The following SRCIN1 variants were observed in gnomAD, a reference collection of about 807,000 sequenced individuals.
SRCIN1 encodes the protein P130Cas-associated protein.
A neutral mutation model predicts 116.2 loss-of-function variants in SRCIN1; 50 were observed. That is an observed-to-expected ratio of 0.43 (90% CI 0.34 to 0.54). SRCIN1 has a LOEUF of 0.54. Ranked by LOEUF, SRCIN1 falls within the 20% of genes least tolerant of loss-of-function variation. SRCIN1 has a pLI of 0.02. For synonymous variants in SRCIN1, 736 were observed against 750.0 expected (o/e 0.98, Z 0.30); for missense variants, 1,446 against 1,672.0 (o/e 0.86, Z 2.36).
intron 1 of SRCIN1, among the ~76,000 whole-genome samples, chr17:38,588,700 G>A (rs1050471926): frequency 6.6e-6 from 1 of 152,230 alleles, no homozygotes; most frequent in Non-Finnish European, 1.5e-5. Flanking sequence ...TGCCCAGGGG[G>A]AAGCATATTG....
chr17:38,594,015 C>T (rs540403708), intron 1 of SRCIN1, among the ~76,000 whole-genome samples: 2 of 152,340 alleles, frequency 1.3e-5, no homozygotes, highest in African/African-American at 4.8e-5. Flanking sequence ...TACTGAGCTC[C>T]CCATCACTGG....
At chr17:38,556,300 C>T (rs1003194265) in intron 11 of SRCIN1, among the ~76,000 whole-genome samples, 14 of 152,270 alleles carry the variant, frequency 9.2e-5, no homozygotes, top group African/African-American at 2.7e-4. Flanking sequence ...TGACCGCACA[C>T]GTGGCATACC....
chr17:38,541,376 C>T (rs1324976134), intron 18 of SRCIN1: 1 of 152,020 alleles, frequency 6.6e-6, no homozygotes, highest in African/African-American at 2.4e-5. Context: ...CACGGAGGGG[C>T]TTGGGAAGGC....
chr17:38,570,128 C>T (rs1906980751), intron 2 of SRCIN1, among the ~76,000 whole-genome samples: 1 of 152,284 alleles, frequency 6.6e-6, no homozygotes, highest in South Asian at 2.1e-4. Context: ...AGGACATCTC[C>T]ACAGACACAC....
In SRCIN1 at chr17:38,543,980, A is replaced by T; in HGVS notation, c.3271-11T>A. 1 of 1,574,636 alleles carries T rather than the reference A, an allele frequency of 6.4e-7. No homozygotes were observed. The highest frequency in any genetic ancestry group is 8.6e-7 in the Non-Finnish European group (1 of 1,166,466). On this transcript the variant is annotated splice_polypyrimidine_tract_variant and intron_variant, in intron 17 of 18. Coordinates refer to ENST00000617146, the MANE Select transcript of SRCIN1 (RefSeq NM_025248.3). Reference sequence around the variant, plus strand: ...ACTGCCTCCGCCACTCTGCAGGAAGAGGAACAGGGTTGCAGTTGCAGAGTC... The same window carrying T: ...ACTGCCTCCGCCACTCTGCAGGAAGTGGAACAGGGTTGCAGTTGCAGAGTC...
chr17:38,577,998 G>C (rs1907519438), intron 2 of SRCIN1, among the ~76,000 whole-genome samples: 1 of 152,142 alleles, frequency 6.6e-6, no homozygotes, highest in African/African-American at 2.4e-5. Context: ...CATTCTTGCA[G>C]GCTGCAGGAA....
chr17:38,561,394 T>G, intron 7 of SRCIN1, 69 bp downstream of exon 7: 1 of 1,414,430 alleles, frequency 7.1e-7, no homozygotes, highest in South Asian at 1.5e-5. Flanking sequence ...TGCCACGGAC[T>G]CTGCTGTGAA....
intron 10 of SRCIN1, 196 bp downstream of exon 10, chr17:38,559,389 G>C: frequency 1.7e-6 from 1 of 605,632 alleles, no homozygotes; most frequent in Admixed American, 3.3e-5. Flanking sequence ...GGAAGTGGAG[G>C]TTCAGCGAGG....
chr17:38,571,859 C>A (rs1907097825), intron 2 of SRCIN1, among the ~76,000 whole-genome samples: 1 of 152,164 alleles, frequency 6.6e-6, no homozygotes, highest in African/African-American at 2.4e-5. Context: ...GAAACAGCTT[C>A]TTCTCTCTGG....
At chr17:38,554,601 G>A (rs1239704774) in intron 11 of SRCIN1, among the ~76,000 whole-genome samples, 2 of 152,116 alleles carry the variant, frequency 1.3e-5, no homozygotes, top group Non-Finnish European at 2.9e-5. Context: ...GCTGGGTTGT[G>A]CAGCCTTCTG....
At position 38,561,690 on chromosome 17, in the gene SRCIN1, C is replaced by A; in HGVS notation, c.1473G>T (p.Pro491=). The A allele has an allele frequency of 1.3e-6, 2 of 1,551,478 alleles. No homozygotes were observed. The highest frequency in any genetic ancestry group is 2.4e-5 in the East Asian group (1 of 41,596). The change falls in exon 7 of 19, where the codon CCG becomes CCT. Residue 491 remains proline (P), a synonymous_variant. Coordinates refer to ENST00000617146, the MANE Select transcript of SRCIN1 (RefSeq NM_025248.3). ...TGGGCGGCCCCGAGTAGGGGCTGTG[C>A]GGTGGCGGGGGACCTCCGGGGGGTG... ...VAAPPGGPPP[P]HSPYSGPPSR... is the part of the protein sequence containing the mutation.
chr17:38,562,538 A>AC lies in SRCIN1; in HGVS notation c.835-211dup, dbSNP rs80132690. Among the ~76,000 whole-genome samples the AC allele has an allele frequency of 2.8e-4, 43 of 152,298 alleles. 2 individuals carry two copies. The East Asian group carries it at 7.5e-3, about 27-fold the overall frequency. On this transcript the variant is annotated intron_variant, in intron 6 of 18. Transcript: ENST00000617146. The surrounding 1 kb of genome is among the most constrained non-coding windows in gnomAD (Gnocchi z 4.2). ...CCGATGAAGAGGCACCAGAGGGGTAACCCTCAGCTCAGCTACCGTGAGGGG... is the reference window on the plus strand; with the variant it reads ...CCGATGAAGAGGCACCAGAGGGGTAACCCCTCAGCTCAGCTACCGTGAGGGG...
intron 15 of SRCIN1, 27 bp downstream of exon 15, chr17:38,551,128 C>T: frequency 9.5e-7 from 1 of 1,051,120 alleles, no homozygotes; most frequent in Non-Finnish European, 1.4e-6. Flanking sequence ...ACGCTGGGCT[C>T]CTTACCAGCC....
chr17:38,580,911 C>A (rs1907754617), intron 1 of SRCIN1, among the ~76,000 whole-genome samples: 1 of 152,226 alleles, frequency 6.6e-6, no homozygotes, highest in African/African-American at 2.4e-5. Context: ...TCATAGCTCA[C>A]TGCAGCCTCA....
intron 18 of SRCIN1, among the ~76,000 whole-genome samples, chr17:38,536,907 G>A (rs551634967): frequency 3.1e-4 from 47 of 152,250 alleles, no homozygotes; most frequent in African/African-American, 7.7e-4. Context: ...GTGTGAGGCC[G>A]GGCTCATGCC....
In SRCIN1 at chr17:38,544,845, A is replaced by C. The variant is rs934296725; in HGVS notation, c.3271-876T>G. The C allele has an allele frequency of 6.9e-6, 1 of 144,710 alleles. No homozygotes were observed. Among genetic ancestry groups the C allele is most frequent in the African/African-American group, 2.5e-5 (1 of 39,372 alleles). The allele number at this position is 144,710 out of a possible 1,614,324, so 9.0% of individuals were successfully genotyped here. On this transcript the variant is annotated intron_variant, in intron 17 of 18. Coordinates refer to ENST00000617146, the MANE Select transcript of SRCIN1 (RefSeq NM_025248.3). This position sits in a 1 kb window ranked among gnomAD's most constrained non-coding sequence, Gnocchi z 4.5. Reference sequence around the variant, plus strand: ...GACTCTGGAAATGGAGGAGGAAGGCAGCAGAGGAGGATGAAAAGCGGGCAG... The same window carrying C: ...GACTCTGGAAATGGAGGAGGAAGGCCGCAGAGGAGGATGAAAAGCGGGCAG...
chr17:38,575,911 C>T (rs548413515), intron 2 of SRCIN1, among the ~76,000 whole-genome samples: 2 of 152,280 alleles, frequency 1.3e-5, no homozygotes, highest in East Asian at 1.9e-4. Flanking sequence ...GAGCTGGCAC[C>T]GTGCTTAAGC....
At chr17:38,603,432 C>A (rs1909176472) in intron 1 of SRCIN1, among the ~76,000 whole-genome samples, 1 of 152,008 alleles carries the variant, frequency 6.6e-6, no homozygotes, top group South Asian at 2.1e-4. Context: ...ATTCGAGCGA[C>A]CCTTCCCCTA....
At chr17:38,550,010 C>T (rs1188273489) in intron 15 of SRCIN1, among the ~76,000 whole-genome samples, 2 of 152,208 alleles carry the variant, frequency 1.3e-5, no homozygotes, top group African/African-American at 2.4e-5. Context: ...GCCTTCCTGC[C>T]CTCCTAGGGC....
Sources: allele counts gnomAD v4.1 joint callset (sites outside exome capture counted in the v4.1 genomes callset), GRCh38; gene constraint gnomAD v4.1.1; non-coding constraint Gnocchi (gnomAD v3.1); transcripts MANE v1.5; gene names NCBI Gene and HGNC (gene_info 2026-07-23, HGNC 2026-07-21).